Variants in DLGAP2 observed in about 807,000 individuals in gnomAD.
DLGAP2 encodes the protein DLG associated protein 2.
In DLGAP2, 26 loss-of-function variants were observed where a neutral mutation model predicts 100.3. The observed-to-expected ratio is 0.26, with a 90% CI of 0.19 to 0.36. The LOEUF is 0.36. Ranked by LOEUF, DLGAP2 falls within the 10% of genes least tolerant of loss-of-function variation. The probability of loss-of-function intolerance (pLI) is 1.00; values close to 1 mark genes in which losing one functional copy is unlikely to be tolerated. For synonymous variants in DLGAP2, 886 were observed against 630.1 expected (o/e 1.41, Z -6.08); for missense variants, 1,858 against 1,453.2 (o/e 1.28, Z -4.53).
chr8:1,586,510 C>G (rs2130656450), intron 6 of DLGAP2, among the ~76,000 whole-genome samples: 1 of 152,338 alleles, frequency 6.6e-6, no homozygotes, highest in South Asian at 2.1e-4. Flanking sequence ...GGGGGCCTGC[C>G]TGGGTCATCA....
chr8:1,105,408 A>C (rs1804723825), intron 2 of DLGAP2, among the ~76,000 whole-genome samples: 1 of 152,202 alleles, frequency 6.6e-6, no homozygotes, highest in Non-Finnish European at 1.5e-5. Context: ...CATTCTCACC[A>C]GCACCTGTGA....
intron 1 of DLGAP2, among the ~76,000 whole-genome samples, chr8:873,155 T>C (rs1266049445): frequency 6.6e-6 from 1 of 152,252 alleles, no homozygotes; most frequent in Non-Finnish European, 1.5e-5. Context: ...GCATGAATAG[T>C]ATTAAAACTG....
At chr8:779,293 C>G (rs907635291) in intron 1 of DLGAP2, among the ~76,000 whole-genome samples, 1 of 152,214 alleles carries the variant, frequency 6.6e-6, no homozygotes, top group Non-Finnish European at 1.5e-5. Context: ...GCAGAAATCA[C>G]CCGTCTTCTG....
chr8:1,271,079 A>G (rs769675682), intron 3 of DLGAP2, among the ~76,000 whole-genome samples: 3 of 152,214 alleles, frequency 2.0e-5, no homozygotes, highest in African/African-American at 7.2e-5. Context: ...TCTTCATGAA[A>G]TAAGTCATAG....
chr8:1,046,910 G>C (rs1802532174), intron 2 of DLGAP2, among the ~76,000 whole-genome samples: 1 of 151,850 alleles, frequency 6.6e-6, no homozygotes, highest in African/African-American at 2.4e-5. Flanking sequence ...TGCACGCCAG[G>C]TTTGAAAGGA....
chr8:920,484 A>C (rs1172693474), intron 2 of DLGAP2, among the ~76,000 whole-genome samples: 2 of 152,364 alleles, frequency 1.3e-5, no homozygotes, highest in South Asian at 2.1e-4. Context: ...CAGCAGGCAC[A>C]GTGGCTGATG....
chr8:863,006 A>T (rs780425553), intron 1 of DLGAP2, among the ~76,000 whole-genome samples: 7 of 152,230 alleles, frequency 4.6e-5, no homozygotes, highest in African/African-American at 1.7e-4. Flanking sequence ...ACAGATATGA[A>T]TATGGCAGTG....
At chr8:901,558 C>T (rs922163150) in intron 1 of DLGAP2, among the ~76,000 whole-genome samples, 1 of 152,106 alleles carries the variant, frequency 6.6e-6, no homozygotes, top group African/African-American at 2.4e-5. Flanking sequence ...TAAATGATCA[C>T]GGTGAGATGT....
At chr8:1,284,475 A>G (rs1418196816) in intron 3 of DLGAP2, among the ~76,000 whole-genome samples, 1 of 152,132 alleles carries the variant, frequency 6.6e-6, no homozygotes, top group Non-Finnish European at 1.5e-5. Context: ...TAAAGATGTG[A>G]GGATTTGCTG....
At chr8:1,221,603 C>G (rs988470659) in intron 2 of DLGAP2, among the ~76,000 whole-genome samples, 2 of 152,070 alleles carry the variant, frequency 1.3e-5, no homozygotes, top group Non-Finnish European at 2.9e-5. Flanking sequence ...TATTATCTCT[C>G]AGGGGTTCTC....
Position 1,701,665 on chromosome 8 carries a change from TGGC to T in DLGAP2, c.*261_*263del, listed in dbSNP as rs1799575665. The T allele has an allele frequency of 5.9e-6, 3 of 505,560 alleles. No individual in the cohort carries two copies. The highest frequency in any genetic ancestry group is 1.0e-5 in the Non-Finnish European group (3 of 290,170). The allele number at this position is 505,560 out of a possible 1,614,324, so 31.3% of individuals were successfully genotyped here. A position where few individuals can be genotyped will look rare whatever the true frequency, so the allele number is the denominator to read the frequency against. ...CACACTTGGCTCTGAGGGACAGGTG[TGGC>T]GAGACCTGATTTCTCCTGCGTGTTC... On this transcript the variant is annotated 3_prime_UTR_variant, in exon 15 of 15. Coordinates refer to ENST00000637795, the MANE Select transcript of DLGAP2 (RefSeq NM_001346810.2).
At chr8:1,414,501 C>T (rs1420956726) in intron 3 of DLGAP2, among the ~76,000 whole-genome samples, 1 of 152,208 alleles carries the variant, frequency 6.6e-6, no homozygotes, top group African/African-American at 2.4e-5. Context: ...GCAGGGTCCA[C>T]ACCAGAGCAG....
intron 2 of DLGAP2, among the ~76,000 whole-genome samples, chr8:1,253,023 C>T (rs972673479): frequency 3.3e-5 from 5 of 152,332 alleles, no homozygotes; most frequent in African/African-American, 1.2e-4. Flanking sequence ...CACCAGCCCT[C>T]ATCCCGCTGT....
chr8:1,427,433 A>G (rs1202749133), intron 3 of DLGAP2, among the ~76,000 whole-genome samples: 2 of 152,210 alleles, frequency 1.3e-5, no homozygotes, highest in Admixed American at 6.5e-5. Flanking sequence ...ACTCCCTCAT[A>G]ATGTAATGCA....
intron 3 of DLGAP2, among the ~76,000 whole-genome samples, chr8:1,448,215 T>G (rs941083195): frequency 2.0e-4 from 31 of 152,254 alleles, no homozygotes; most frequent in Non-Finnish European, 4.0e-4. Context: ...CTTTCTTTTG[T>G]GGGCATTTAG....
intron 1 of DLGAP2, among the ~76,000 whole-genome samples, chr8:870,032 A>G (rs1171900640): frequency 6.6e-6 from 1 of 151,844 alleles, no homozygotes; most frequent in Non-Finnish European, 1.5e-5. Context: ...ATGATTTGAG[A>G]CTTAAAGTCA....
At chr8:1,108,415 C>T (rs1804844577) in intron 2 of DLGAP2, among the ~76,000 whole-genome samples, 1 of 152,202 alleles carries the variant, frequency 6.6e-6, no homozygotes, top group Admixed American at 6.5e-5. Flanking sequence ...TTGAAGCCGT[C>T]ATGTAAGATG....
chr8:1,360,247 C>CG (rs1185208230), intron 3 of DLGAP2, among the ~76,000 whole-genome samples: 2 of 44,700 alleles, frequency 4.5e-5, no homozygotes, highest in African/African-American at 1.9e-4. Flanking sequence ...GGGGCTTCTC[C>CG]GGGGCGGGGC....
chr8:1,110,393 G>T (rs1240680205), intron 2 of DLGAP2, among the ~76,000 whole-genome samples: 1 of 148,974 alleles, frequency 6.7e-6, no homozygotes, highest in African/African-American at 2.5e-5. Flanking sequence ...GAGTATGCTG[G>T]ATCTGTGAGG....
Sources: allele counts gnomAD v4.1 joint callset (sites outside exome capture counted in the v4.1 genomes callset), GRCh38; gene constraint gnomAD v4.1.1; transcripts MANE v1.5; gene names NCBI Gene and HGNC (gene_info 2026-07-23, HGNC 2026-07-21).